Variants in MCM9 observed in about 807,000 individuals in gnomAD.
The protein encoded by MCM9 is minichromosome maintenance 9 homologous recombination repair factor.
Under a neutral mutation model 72.8 loss-of-function variants are expected in MCM9, and 55 were observed. That is an observed-to-expected ratio of 0.76 (90% CI 0.61 to 0.95). MCM9 has a LOEUF of 0.95. Ranked by LOEUF, MCM9 falls within the 40% of genes least tolerant of loss-of-function variation. MCM9 has a pLI of 0.00. For missense variants in MCM9, 1,279 were observed against 1,377.0 expected (o/e 0.93, Z 1.13); for synonymous variants, 480 against 503.4 (o/e 0.95, Z 0.62).
At chr6:118,857,210 G>C (rs1043617539) in intron 8 of MCM9, among the ~76,000 whole-genome samples, 1 of 152,204 alleles carries the variant, frequency 6.6e-6, no homozygotes, top group African/African-American at 2.4e-5. Flanking sequence ...GCTGTTTACA[G>C]AAAAGGGTCC....
At chr6:118,910,673 A>AAAC in intron 8 of MCM9, 1 of 985,420 alleles carries the variant, frequency 1.0e-6, no homozygotes. Context: ...TACGGATTTA[A>AAAC]AACGCATGGG....
rs1774202069 is a variant in MCM9 at position 118,826,852 on chromosome 6, A to T, written c.1745T>A (p.Leu582Gln). The T allele has an allele frequency of 6.5e-7, 1 of 1,550,054 alleles. No individual in the cohort carries two copies. Among genetic ancestry groups the T allele is most frequent in the South Asian group, 1.2e-5 (1 of 83,932 alleles). ...CAGAGTTACAGTATCACGAAACATC[A>T]GGCGAGCATGAGCTAAGAAAACAAA... is the stretch of plus-strand genomic sequence containing the variant. ...LIRLAEAHAR[L>Q]MFRDTVTLED... Residue 582 changes from leucine (L) to glutamine (Q), a missense_variant, in exon 12 of 14, where the codon CTG becomes CAG. Transcript: ENST00000619706.
At chr6:118,881,551 G>C (rs994691605) in intron 8 of MCM9, among the ~76,000 whole-genome samples, 12 of 152,068 alleles carry the variant, frequency 7.9e-5, no homozygotes, top group Non-Finnish European at 1.5e-4. Flanking sequence ...AAAACACCAA[G>C]GGAGGAAAAA....
At chr6:118,843,678 ATATATATGTG>A (rs1257537449) in intron 9 of MCM9, among the ~76,000 whole-genome samples, 5 of 89,654 alleles carry the variant, frequency 5.6e-5, no homozygotes, top group East Asian at 2.9e-4. Context: ...ATGTATGTAT[ATATATATGTG>A]TATATATATA....
intron 8 of MCM9, among the ~76,000 whole-genome samples, chr6:118,893,328 C>G (rs1779071914): frequency 6.6e-6 from 1 of 152,172 alleles, no homozygotes; most frequent in African/African-American, 2.4e-5. Flanking sequence ...TTTTTCCCAT[C>G]TCTATTACGT....
At position 118,917,581 on chromosome 6, in the gene MCM9, T is replaced by C; in HGVS notation, c.884A>G (p.Tyr295Cys). 1.9e-6 allele frequency: 3 copies of C among 1,614,174 alleles called. No homozygotes were observed. The highest frequency in any genetic ancestry group is 1.7e-6 in the Non-Finnish European group (2 of 1,180,010). The change falls in exon 6 of 14, where the codon TAT becomes TGT. Residue 295 changes from tyrosine (Y) to cysteine (C), a missense_variant. Tyr to Cys is a radical substitution (Grantham distance 194, BLOSUM62 -2). Transcript: ENST00000619706. Reference protein sequence around the residue: ...QKEFEDFWEYYKSDPFAGRNV... With the variant: ...QKEFEDFWEYCKSDPFAGRNV... ...CAAACCTGCAAAGGGATCGCTCTTA[T>C]AGTATTCCCAAAAATCTTCGAATTC...
chr6:118,828,790 T>C (rs1276476276), intron 10 of MCM9, among the ~76,000 whole-genome samples: 1 of 152,196 alleles, frequency 6.6e-6, no homozygotes, highest in Non-Finnish European at 1.5e-5. Context: ...CATAAGGTTG[T>C]CCCCTTTCAT....
chr6:118,917,443 C>T (rs1781054163), intron 6 of MCM9, 118 bp downstream of exon 6: 1 of 992,726 alleles, frequency 1.0e-6, no homozygotes, highest in South Asian at 1.5e-5. Context: ...CTAATCCTAC[C>T]CTTTAAACTC....
In MCM9 at chr6:118,826,227, C is replaced by T; in HGVS notation, c.1881G>A (p.Gln627=). 6.4e-7 allele frequency: 1 copy of T among 1,550,518 alleles called. No individual in the cohort carries two copies. Among genetic ancestry groups the T allele is most frequent in the Non-Finnish European group, 8.7e-7 (1 of 1,146,950 alleles). ...GAATAAGTTCACACTGTCTCTGGTACTGCTCTCCAGGGTTTTCAGGAAAGG... is the reference window on the plus strand; with the variant it reads ...GAATAAGTTCACACTGTCTCTGGTATTGCTCTCCAGGGTTTTCAGGAAAGG... ...HTSFPENPGE[Q]YQRQCELILE... Residue 627 remains glutamine (Q), a synonymous_variant, in exon 13 of 14, where the codon CAG becomes CAA. Coordinates refer to ENST00000619706, the MANE Select transcript of MCM9 (RefSeq NM_017696.3).
intron 10 of MCM9, 35 bp from the exon 11 acceptor site, chr6:118,828,165 A>G: frequency 6.8e-7 from 1 of 1,475,386 alleles, no homozygotes; most frequent in Non-Finnish European, 9.2e-7. Flanking sequence ...GTAAGTTCTT[A>G]GGACAGGCAA....
At chr6:118,906,747 T>C (rs867619909) in intron 8 of MCM9, among the ~76,000 whole-genome samples, 3 of 152,232 alleles carry the variant, frequency 2.0e-5, no homozygotes, top group South Asian at 2.1e-4. Flanking sequence ...CTGGGAACTA[T>C]AACAGTTTGG....
At chr6:118,820,879 C>A (rs1047514498) in intron 13 of MCM9, among the ~76,000 whole-genome samples, 8 of 152,128 alleles carry the variant, frequency 5.3e-5, no homozygotes, top group Admixed American at 1.3e-4. Context: ...TTATGTAGTA[C>A]CCTTCTTTGT....
rs560099295 is a variant in MCM9, at chr6:118,819,354, A to G, written c.1962-3060T>C. ...AGGGGTGTTGAATTTTATTGAAGGC[A>G]TTTTCTGCATCTATTGAGATAATCA... On this transcript the variant is annotated intron_variant, in intron 13 of 13. Transcript: ENST00000619706. Among the ~76,000 whole-genome samples, 25 of 152,084 alleles carry G rather than the reference A, an allele frequency of 1.6e-4. No homozygotes were observed. The South Asian group carries it at 5.2e-3, about 32-fold the overall frequency.
intron 8 of MCM9, among the ~76,000 whole-genome samples, chr6:118,869,599 C>CAAAAAAA: frequency 0.21 from 12,471 of 58,090 alleles, 1,833 homozygotes; most frequent in South Asian, 0.3. Flanking sequence ...AAAGGATTTA[C>CAAAAAAA]AAAAAAAAAA....
chr6:118,863,521 T>G (rs1483503144), intron 8 of MCM9, among the ~76,000 whole-genome samples: 1 of 152,144 alleles, frequency 6.6e-6, no homozygotes, highest in African/African-American at 2.4e-5. Context: ...GTAACAAATA[T>G]GGCACATGTT....
rs115338835 is a variant in MCM9, at chr6:118,825,299, G to C, written c.1961+848C>G. ...TTATACAAAGTGCAAGTTTACTGCA[G>C]TCTGGCACCTGGCTATTAACAGGAT... On this transcript the variant is annotated intron_variant, in intron 13 of 13. Transcript: ENST00000619706. Among the ~76,000 whole-genome samples, 538 of 152,332 alleles carry C rather than the reference G, an allele frequency of 3.5e-3. 1 individual carries two copies. The highest frequency in any genetic ancestry group is 0.013 in the African/African-American group (523 of 41,564).
chr6:118,828,763 G>T lies in MCM9; in HGVS notation c.1528+285C>A, dbSNP rs183038196. ...CATTCTGGTTTTATATGCAAGAGGT[G>T]AGCGTTAATTCTGTATCATAAGGTT... On this transcript the variant is annotated intron_variant, in intron 10 of 13. Coordinates refer to ENST00000619706, the MANE Select transcript of MCM9 (RefSeq NM_017696.3). Among the ~76,000 whole-genome samples, 278 of 152,318 alleles carry T rather than the reference G, an allele frequency of 1.8e-3. 1 individual carries two copies. Among genetic ancestry groups the T allele is most frequent in the South Asian group, 0.01 (50 of 4,820 alleles).
Position 118,814,883 on chromosome 6 carries a change from CTGGT to C in MCM9, c.3369_3372del (p.Pro1124AsnfsTer2), listed in dbSNP as rs1312434114. ...CAATCAAATGCTTCATCACCTAGTT[CTGGT>C]AAAGTGAAGAGGGATTCTTTGGAAA... On this transcript the variant is annotated frameshift_variant, in exon 14 of 14. Coordinates refer to ENST00000619706, the MANE Select transcript of MCM9 (RefSeq NM_017696.3). LOFTEE classifies it high-confidence loss of function. 5 of 1,544,786 alleles carry C rather than the reference CTGGT, an allele frequency of 3.2e-6. No individual in the cohort carries two copies. The highest frequency in any genetic ancestry group is 4.0e-5 in the Admixed American group (2 of 49,520).
rs1313041598 is a variant in MCM9 at position 118,815,247 on chromosome 6, T to C, written c.3009A>G (p.Pro1003=). 6.4e-7 allele frequency: 1 copy of C among 1,550,700 alleles called. No individual in the cohort carries two copies. The highest frequency in any genetic ancestry group is 8.7e-7 in the Non-Finnish European group (1 of 1,146,942). ...VSQQPPEKHG[P]REKVMCAPEK... is the part of the protein sequence containing the mutation. ...CAGGGGCACACATCACCTTCTCTCT[T>C]GGTCCGTGTTTCTCTGGTGGCTGCT... Residue 1003 remains proline, a synonymous_variant, in exon 14 of 14, where the codon CCA becomes CCG. Coordinates refer to ENST00000619706, the MANE Select transcript of MCM9 (RefSeq NM_017696.3).
Sources: allele counts gnomAD v4.1 joint callset (sites outside exome capture counted in the v4.1 genomes callset), GRCh38; gene constraint gnomAD v4.1.1; transcripts MANE v1.5; gene names NCBI Gene and HGNC (gene_info 2026-07-23, HGNC 2026-07-21).